EPB41: variants seen among roughly 807,000 people sequenced by gnomAD.
EPB41 encodes protein 4.1.
Under a neutral mutation model 108.0 loss-of-function variants are expected in EPB41, and 65 were observed. The observed-to-expected ratio is 0.60, with a 90% CI of 0.49 to 0.74. EPB41 has a LOEUF of 0.74. EPB41 is among the 30% of genes least tolerant of loss of function. The pLI is 0.00. For synonymous variants in EPB41, 336 were observed against 358.9 expected (o/e 0.94, Z 0.72); for missense variants, 875 against 1,037.0 (o/e 0.84, Z 2.15).
chr1:28,997,193 T>C (rs777112119), intron 3 of EPB41, 22 bp from the exon 4 acceptor site: 3 of 1,544,338 alleles, frequency 1.9e-6, no homozygotes, highest in Non-Finnish European at 1.8e-6. Context: ...TCAACTCAAC[T>C]AAGTCACGTA....
chr1:29,111,987 A>C (rs945553985), intron 18 of EPB41, among the ~76,000 whole-genome samples: 28 of 152,216 alleles, frequency 1.8e-4, no homozygotes, highest in African/African-American at 5.8e-4. Context: ...AAAAAAAAAA[A>C]AAAACAAAGA....
intron 19 of EPB41, among the ~76,000 whole-genome samples, chr1:29,113,979 G>A (rs1670050567): frequency 6.6e-6 from 1 of 152,188 alleles, no homozygotes; most frequent in Admixed American, 6.5e-5. Flanking sequence ...GTGAGCAGAT[G>A]GGTTGGGCAA....
chr1:28,994,802 G>C (rs1191529348), intron 3 of EPB41, among the ~76,000 whole-genome samples: 3 of 150,716 alleles, frequency 2.0e-5, no homozygotes, highest in African/African-American at 4.9e-5. Context: ...GGGACTACAG[G>C]CACATACCAT....
At chr1:28,960,160 C>A (rs921524355) in intron 1 of EPB41, among the ~76,000 whole-genome samples, 2 of 151,682 alleles carry the variant, frequency 1.3e-5, no homozygotes, top group African/African-American at 4.8e-5. Context: ...TGCCACTACA[C>A]CTGGCTAATT....
chr1:28,887,440 A>G lies in EPB41; in HGVS notation c.-8+230A>G. On this transcript the variant is annotated intron_variant, in intron 1 of 16. Transcript: ENST00000347529. This position sits in a 1 kb window ranked among gnomAD's most constrained non-coding sequence, Gnocchi z 4.9. ...TGCAGGGAGGGGCGTGGGAGTCTGG[A>G]GAGGGGGTCCGGGAGCTCGGATCCG... The G allele has an allele frequency of 1.0e-6, 1 of 985,200 alleles. No homozygotes were observed. The highest frequency in any genetic ancestry group is 1.2e-6 in the Non-Finnish European group (1 of 829,880). The allele number at this position is 985,200 out of a possible 1,614,324, so 61.0% of individuals were successfully genotyped here. A position where few individuals can be genotyped will look rare whatever the true frequency, so the allele number is the denominator to read the frequency against.
rs1185714628 is a variant in EPB41 at position 28,993,200 on chromosome 1, T to A, written c.469-130T>A. ...CATACTATTTTTTATAGAAAAATAT[T>A]TAATATTAATGTCACCTATATTTGT... On this transcript the variant is annotated intron_variant, in intron 2 of 20. Coordinates refer to ENST00000343067, the MANE Select transcript of EPB41 (RefSeq NM_001376013.1). 3 of 741,216 alleles carry A rather than the reference T, an allele frequency of 4.0e-6. No homozygotes were observed. In the African/African-American group the frequency reaches 5.4e-5, roughly 13 times the overall value. The allele number at this position is 741,216 out of a possible 1,614,324, so 45.9% of individuals were successfully genotyped here.
chr1:29,107,098 G>T (rs1054332317), intron 17 of EPB41, among the ~76,000 whole-genome samples: 1 of 151,906 alleles, frequency 6.6e-6, no homozygotes, highest in African/African-American at 2.4e-5. Flanking sequence ...CAAGAGAATC[G>T]CTTGAACCCA....
intron 16 of EPB41, among the ~76,000 whole-genome samples, chr1:29,092,266 T>C (rs186413972): frequency 6.6e-6 from 1 of 152,066 alleles, no homozygotes; most frequent in Non-Finnish European, 1.5e-5. Context: ...CCTGGCTAAT[T>C]TTGTATTTTT....
chr1:29,024,040 A>G (rs986090881), intron 7 of EPB41, among the ~76,000 whole-genome samples: 1 of 152,012 alleles, frequency 6.6e-6, no homozygotes, highest in African/African-American at 2.4e-5. Flanking sequence ...ATCTGCTATG[A>G]TAATAATAAT....
At position 29,057,393 on chromosome 1, in the gene EPB41, A is replaced by G. The variant is rs537910485; in HGVS notation, c.1846-1196A>G. 2.9e-3 allele frequency among the ~76,000 whole-genome samples: 436 copies of G among 149,532 alleles called. 4 individuals are homozygous for G. Among genetic ancestry groups the G allele is most frequent in the African/African-American group, 0.01 (408 of 40,086 alleles). On this transcript the variant is annotated intron_variant, in intron 12 of 20. Coordinates refer to ENST00000343067, the MANE Select transcript of EPB41 (RefSeq NM_001376013.1). ...TGTCTCAAAAAAAAAAAAAAAAAAA[A>G]AAAGAAAAAGAAATAACCCCAAACC...
chr1:28,993,413 A>G lies in EPB41; in HGVS notation c.552A>G (p.Val184=). The G allele has an allele frequency of 1.2e-6, 2 of 1,614,048 alleles. No individual in the cohort carries two copies. The highest frequency in any genetic ancestry group is 1.7e-6 in the Non-Finnish European group (2 of 1,180,002). Residue 184 remains valine, a synonymous_variant, in exon 3 of 21, where the codon GTA becomes GTG. Coordinates refer to ENST00000343067, the MANE Select transcript of EPB41 (RefSeq NM_001376013.1). The stretch of plus-strand genomic sequence containing the variant: ...TTGAAGAGTGCTCCAAAATAGAAGT[A>G]AAAGAAGAAAGCCCTCAATCAAAAG... The part of the protein sequence containing the change: ...EGLEECSKIE[V]KEESPQSKAE...
intron 17 of EPB41, among the ~76,000 whole-genome samples, chr1:29,108,134 C>G (rs1193127803): frequency 6.7e-6 from 1 of 148,372 alleles, no homozygotes; most frequent in East Asian, 1.9e-4. Context: ...TGGCTATGTT[C>G]CTGCCTCTTA....
chr1:28,951,407 G>A (rs1041946678), intron 1 of EPB41, among the ~76,000 whole-genome samples: 1 of 151,514 alleles, frequency 6.6e-6, no homozygotes, highest in African/African-American at 2.4e-5. Context: ...AATGTGATGT[G>A]TGTTGGAGGA....
At chr1:29,082,787 A>G (rs927197486) in intron 16 of EPB41, among the ~76,000 whole-genome samples, 3 of 152,152 alleles carry the variant, frequency 2.0e-5, no homozygotes, top group African/African-American at 7.2e-5. Flanking sequence ...AAAATTTTCT[A>G]TTACCTAATA....
At chr1:29,096,642 CTTTGGAA>C in intron 16 of EPB41, 1 of 967,296 alleles carries the variant, frequency 1.0e-6, no homozygotes, top group Non-Finnish European at 1.2e-6. Flanking sequence ...TAATGACTGT[CTTTGGAA>C]GAGGGCCAGA....
rs1414393913 is a variant in EPB41 at position 29,075,623 on chromosome 1, AAAATC to A, written c.2184+10468_2184+10472del. Among the ~76,000 whole-genome samples, 6 of 152,330 alleles carry A rather than the reference AAAATC, an allele frequency of 3.9e-5. No individual in the cohort carries two copies. The South Asian group carries it at 1.2e-3, about 32-fold the overall frequency. Reference sequence around the variant, plus strand: ...AGTCTCAACTATCTTTTCTTGTCTCAAAATCAACAAAGGCAGGTGAGCCTCTCATT... The same window carrying A: ...AGTCTCAACTATCTTTTCTTGTCTCAAACAAAGGCAGGTGAGCCTCTCATT... On this transcript the variant is annotated intron_variant, in intron 16 of 20. Transcript: ENST00000343067.
intron 11 of EPB41, among the ~76,000 whole-genome samples, chr1:29,044,726 C>T (rs1642638516): frequency 6.6e-6 from 1 of 152,130 alleles, no homozygotes; most frequent in African/African-American, 2.4e-5. Flanking sequence ...GTGGCACATG[C>T]CTGAATTCCC....
chr1:29,103,729 G>A (rs1029748961), intron 17 of EPB41, among the ~76,000 whole-genome samples: 9 of 151,994 alleles, frequency 5.9e-5, no homozygotes, highest in Admixed American at 1.3e-4. Context: ...GTGCAGTGGC[G>A]CGATCTCGGC....
At chr1:29,009,123 A>G (rs1025013956) in intron 4 of EPB41, among the ~76,000 whole-genome samples, 2 of 149,820 alleles carry the variant, frequency 1.3e-5, no homozygotes, top group South Asian at 4.2e-4. Context: ...CCTAAGGACC[A>G]GTGCTAGTTT....
Sources: allele counts gnomAD v4.1 joint callset (sites outside exome capture counted in the v4.1 genomes callset), GRCh38; gene constraint gnomAD v4.1.1; non-coding constraint Gnocchi (gnomAD v3.1); transcripts MANE v1.5; gene names NCBI Gene and HGNC (gene_info 2026-07-23, HGNC 2026-07-21).